PYY: variants seen among roughly 807,000 people sequenced by gnomAD.
The protein encoded by PYY is peptide YY.
Under a neutral mutation model 10.3 loss-of-function variants are expected in PYY, and 12 were observed. The ratio of observed to expected loss-of-function variants is 1.17; its 90% CI spans 0.75 to 1.89. PYY has a LOEUF of 1.89. Ranked by LOEUF, PYY falls within the 40% of genes most tolerant of loss-of-function variation. PYY has a pLI of 0.00. For synonymous variants in PYY, 66 were observed against 62.0 expected, an observed-to-expected ratio of 1.06 and a Z score of -0.30; for missense variants, 141 against 134.0, an observed-to-expected ratio of 1.05 and a Z score of -0.26.
rs533321717 is a variant in PYY, at chr17:43,987,415, C to T, written c.-463+16976G>A. On this transcript the variant is annotated intron_variant, in intron 1 of 6. Transcript: ENST00000360085. This position sits in a 1 kb window ranked among gnomAD's most constrained non-coding sequence, Gnocchi z 4.0. The stretch of plus-strand genomic sequence containing the variant: ...GCCCATCGCCTCTACCCTGGGACTT[C>T]AGCTACAAAAGGCATCTGGGCAGGG... Among the ~76,000 whole-genome samples, 34 of 152,320 alleles carry T rather than the reference C, an allele frequency of 2.2e-4. No homozygotes were observed. The highest frequency in any genetic ancestry group is 8.2e-4 in the African/African-American group (34 of 41,568).
At chr17:43,967,627 TAA>T (rs2048763247) in intron 1 of PYY, among the ~76,000 whole-genome samples, 1 of 152,192 alleles carries the variant, frequency 6.6e-6, no homozygotes, top group Non-Finnish European at 1.5e-5. Context: ...TGTGATGGTT[TAA>T]AAAGCTATTA....
chr17:43,963,539 AGAAGGAAGGGAAGGAAG>A (rs1458996206), intron 2 of PYY, among the ~76,000 whole-genome samples: 2 of 141,716 alleles, frequency 1.4e-5, no homozygotes, highest in African/African-American at 2.6e-5. Context: ...AAGAAGGAAG[AGAAGGAAGGGAAGGAAG>A]GAAGGAAGGA....
chr17:43,966,137 C>T (rs536165493), intron 2 of PYY, among the ~76,000 whole-genome samples: 58 of 152,288 alleles, frequency 3.8e-4, no homozygotes, highest in African/African-American at 1.4e-3. Context: ...AATAATAAAT[C>T]AATCTTTCTT....
chr17:43,989,809 TAAAAAAAAAAAAAAAAA>T (rs1174890162), intron 1 of PYY, among the ~76,000 whole-genome samples: 143 of 10,502 alleles, frequency 0.014, 19 homozygotes, highest in East Asian at 0.079. Flanking sequence ...GCTGTCTCTT[TAAAAAAAAAAAAAAAAA>T]AAAAAAAAAA....
intron 1 of PYY, among the ~76,000 whole-genome samples, chr17:43,981,600 C>T (rs2048884185): frequency 6.6e-6 from 1 of 152,106 alleles, no homozygotes; most frequent in Non-Finnish European, 1.5e-5. Flanking sequence ...AGCAATTCTC[C>T]TACCTCAGCC....
rs1597851609 is a variant in PYY at position 43,976,193 on chromosome 17, A to G, written c.-462-9661T>C. On this transcript the variant is annotated intron_variant, in intron 1 of 6. Transcript: ENST00000360085. Reference sequence around the variant, plus strand: ...CATATATGTATATATACGTATATGTATACATATATACATATACGTATATGT... The same window carrying G: ...CATATATGTATATATACGTATATGTGTACATATATACATATACGTATATGT... Among the ~76,000 whole-genome samples, 3 of 145,276 alleles carry G rather than the reference A, an allele frequency of 2.1e-5. 1 individual carries two copies. The highest frequency in any genetic ancestry group is 3.0e-5 in the Non-Finnish European group (2 of 66,536).
intron 1 of PYY, among the ~76,000 whole-genome samples, chr17:43,994,204 GC>G (rs1000570263): frequency 1.3e-5 from 2 of 151,890 alleles, no homozygotes; most frequent in African/African-American, 4.8e-5. Flanking sequence ...GTAACCATCA[GC>G]CCCCTCTGTC....
chr17:43,963,578 G>GAAAAAGA, intron 2 of PYY, among the ~76,000 whole-genome samples: 1 of 68,832 alleles, frequency 1.5e-5, no homozygotes, highest in South Asian at 6.1e-4. Flanking sequence ...GGAAAAGAAA[G>GAAAAAGA]AAAGAAAGAA....
Position 43,952,887 on chromosome 17 carries a change from G to A in PYY, c.*69C>T. The A allele has an allele frequency of 6.8e-7, 1 of 1,462,030 alleles. No individual in the cohort carries two copies. Among genetic ancestry groups the A allele is most frequent in the Non-Finnish European group, 9.1e-7 (1 of 1,097,258 alleles). The allele number at this position is 1,462,030 out of a possible 1,614,324, so 90.6% of individuals were successfully genotyped here. ...GTCGGGAGGCAGAATCCGGGTTTCTGGGGTCGGGAGTGCGTATGCAAATGA... is the reference window on the plus strand; with the variant it reads ...GTCGGGAGGCAGAATCCGGGTTTCTAGGGTCGGGAGTGCGTATGCAAATGA... On this transcript the variant is annotated 3_prime_UTR_variant, in exon 4 of 4. Transcript: ENST00000692052.
chr17:44,002,257 G>A (rs900128439), intron 1 of PYY, among the ~76,000 whole-genome samples: 4 of 152,162 alleles, frequency 2.6e-5, no homozygotes, highest in East Asian at 3.9e-4. Context: ...ACGGGTAAGC[G>A]CACTCACTCG....
At chr17:43,956,435 C>T (rs1187948954), upstream of PYY, among the ~76,000 whole-genome samples, 1 of 152,132 alleles carries the variant, frequency 6.6e-6, no homozygotes, top group African/African-American at 2.4e-5. Flanking sequence ...GATCCACACA[C>T]CCACACCCAT....
At chr17:43,961,552 T>G (rs1187996205) in intron 2 of PYY, among the ~76,000 whole-genome samples, 1 of 152,124 alleles carries the variant, frequency 6.6e-6, no homozygotes, top group African/African-American at 2.4e-5. Flanking sequence ...TTCTTTTTAC[T>G]TTTTTTGAGA....
At chr17:43,972,232 G>C (rs893275621) in intron 1 of PYY, among the ~76,000 whole-genome samples, 1 of 98,490 alleles carries the variant, frequency 1.0e-5, no homozygotes, top group Non-Finnish European at 2.4e-5. Flanking sequence ...TATTTATTGA[G>C]AGAGGGAGTC....
Position 43,952,913 on chromosome 17 carries a change from C to A in PYY, c.*43G>T, listed in dbSNP as rs772620977. ...GGGTCGGGAGTGCGTATGCAAATGACGTGGGCGTGGTTGGCAGATCTCCCA... is the reference window on the plus strand; with the variant it reads ...GGGTCGGGAGTGCGTATGCAAATGAAGTGGGCGTGGTTGGCAGATCTCCCA... On this transcript the variant is annotated 3_prime_UTR_variant, in exon 4 of 4. Coordinates refer to ENST00000692052, the MANE Select transcript of PYY (RefSeq NM_001394028.1). The A allele has an allele frequency of 1.9e-5, 29 of 1,526,058 alleles. No homozygotes were observed. The highest frequency in any genetic ancestry group is 2.5e-5 in the South Asian group (2 of 78,546). The allele number at this position is 1,526,058 out of a possible 1,614,324, so 94.5% of individuals were successfully genotyped here.
intron 1 of PYY, among the ~76,000 whole-genome samples, chr17:43,970,525 T>C (rs541892032): frequency 2.0e-5 from 3 of 148,994 alleles, no homozygotes; most frequent in South Asian, 4.2e-4. Context: ...AAAAAGACAG[T>C]GAGTGTAGTA....
intron 1 of PYY, among the ~76,000 whole-genome samples, chr17:43,993,288 G>A (rs982955711): frequency 6.6e-6 from 1 of 152,032 alleles, no homozygotes; most frequent in South Asian, 2.1e-4. Flanking sequence ...GTGAAACCCC[G>A]TCTCTACTAA....
Position 43,952,935 on chromosome 17 carries a change from C to T in PYY, c.*21G>A. 6.5e-7 allele frequency: 1 copy of T among 1,538,894 alleles called. No homozygotes were observed. The highest frequency in any genetic ancestry group is 8.7e-7 in the Non-Finnish European group (1 of 1,147,194). The stretch of plus-strand genomic sequence containing the variant: ...TGACGTGGGCGTGGTTGGCAGATCT[C>T]CCAGGAGGCCTCAGGGGTCCTCACC... On this transcript the variant is annotated 3_prime_UTR_variant, in exon 4 of 4. Coordinates refer to ENST00000692052, the MANE Select transcript of PYY (RefSeq NM_001394028.1).
At chr17:43,956,684 T>C (rs1822953802), upstream of PYY, among the ~76,000 whole-genome samples, 1 of 152,112 alleles carries the variant, frequency 6.6e-6, no homozygotes, top group South Asian at 2.1e-4. Context: ...CAATTCTCCT[T>C]GTCCAGTGGG....
At chr17:43,979,868 C>T (rs1392093018) in intron 1 of PYY, among the ~76,000 whole-genome samples, 1 of 152,124 alleles carries the variant, frequency 6.6e-6, no homozygotes, top group Non-Finnish European at 1.5e-5. Context: ...TTTACCCAAA[C>T]GCTAGCTCCA....
Sources: allele counts gnomAD v4.1 joint callset (sites outside exome capture counted in the v4.1 genomes callset), GRCh38; gene constraint gnomAD v4.1.1; non-coding constraint Gnocchi (gnomAD v3.1); transcripts MANE v1.5; gene names NCBI Gene and HGNC (gene_info 2026-07-23, HGNC 2026-07-21).